The following EPHA6 variants were observed in gnomAD, a reference collection of about 807,000 sequenced individuals.
The protein encoded by EPHA6 is ephrin type-A receptor 6.
In EPHA6, 50 loss-of-function variants were observed where a neutral mutation model predicts 112.0. That is an observed-to-expected ratio of 0.45 (90% confidence interval 0.36 to 0.56). The LOEUF (loss-of-function observed/expected upper bound fraction) is 0.56. EPHA6 is among the 20% of genes least tolerant of loss of function. The pLI is 0.00. For synonymous variants in EPHA6, 529 were observed against 490.7 expected, an observed-to-expected ratio of 1.08 and a Z score of -1.03; for missense variants, 1,280 against 1,417.4, an observed-to-expected ratio of 0.90 and a Z score of 1.56.
intron 3 of EPHA6, among the ~76,000 whole-genome samples, chr3:97,175,334 T>A (rs924341303): frequency 2.0e-5 from 3 of 151,840 alleles, no homozygotes; most frequent in African/African-American, 7.2e-5. Flanking sequence ...GTAATGTGAT[T>A]CCTCCAGATT....
At chr3:97,450,549 G>T (rs2090491843) in intron 7 of EPHA6, among the ~76,000 whole-genome samples, 1 of 152,016 alleles carries the variant, frequency 6.6e-6, no homozygotes, top group African/African-American at 2.4e-5. Flanking sequence ...GTCATTTGGT[G>T]TAATATTAAC....
chr3:97,703,570 G>A (rs1010181079), intron 14 of EPHA6, among the ~76,000 whole-genome samples: 1 of 152,102 alleles, frequency 6.6e-6, no homozygotes, highest in Non-Finnish European at 1.5e-5. Flanking sequence ...GCCAACATTG[G>A]CTGTAAAATC....
intron 5 of EPHA6, among the ~76,000 whole-genome samples, chr3:97,380,833 A>G (rs997298709): frequency 3.9e-5 from 6 of 152,180 alleles, no homozygotes; most frequent in African/African-American, 9.6e-5. Flanking sequence ...TCTGTCTGCA[A>G]TCTCCCATAA....
In EPHA6 at chr3:97,760,053, A is replaced by G. The variant is rs955307413; in HGVS notation, c.*11352A>G. ...TCTGTTATAATGCAAAGCCTATCAA[A>G]CTTAAAATTAGCTTAATCCTGAAAG... On this transcript the variant is annotated 3_prime_UTR_variant, in exon 18 of 18. Coordinates refer to ENST00000389672, the MANE Select transcript of EPHA6 (RefSeq NM_001080448.3). The G allele has an allele frequency of 1.1e-5, 2 of 184,314 alleles. No individual in the cohort carries two copies. Among genetic ancestry groups the G allele is most frequent in the Non-Finnish European group, 2.3e-5 (2 of 86,812 alleles). 11.4% of individuals were successfully genotyped at this position (184,314 alleles called of 1,614,324 possible).
chr3:97,510,672 C>T (rs1256912788), intron 10 of EPHA6, among the ~76,000 whole-genome samples: 1 of 152,174 alleles, frequency 6.6e-6, no homozygotes, highest in African/African-American at 2.4e-5. Flanking sequence ...AGTCAGGGAT[C>T]CACTTCAGGA....
chr3:97,499,925 A>AT (rs201656892), intron 10 of EPHA6, among the ~76,000 whole-genome samples: 1 of 151,970 alleles, frequency 6.6e-6, no homozygotes, highest in East Asian at 1.9e-4. Flanking sequence ...AAATACAAAT[A>AT]TTTTTTCTTC....
chr3:97,650,579 T>A lies in EPHA6; in HGVS notation c.2784+12497T>A, dbSNP rs1233027563. Among the ~76,000 whole-genome samples the A allele has an allele frequency of 3.3e-5, 5 of 152,110 alleles. No individual in the cohort carries two copies. In the East Asian group the frequency reaches 5.8e-4, roughly 18 times the overall value. ...AAAATAGATCCATCTGGCTCAGTCA[T>A]ATATACTATTAAGAAGGCAAGCCAA... On this transcript the variant is annotated intron_variant, in intron 14 of 17. Coordinates refer to ENST00000389672, the MANE Select transcript of EPHA6 (RefSeq NM_001080448.3).
At chr3:96,834,963 AT>A (rs1276430912) in intron 1 of EPHA6, among the ~76,000 whole-genome samples, 2 of 152,088 alleles carry the variant, frequency 1.3e-5, no homozygotes, top group Non-Finnish European at 2.9e-5. Context: ...TAATCAAATT[AT>A]TACCATGTTT....
intron 14 of EPHA6, among the ~76,000 whole-genome samples, chr3:97,694,259 G>T (rs1261023815): frequency 6.6e-6 from 1 of 150,808 alleles, no homozygotes; most frequent in Non-Finnish European, 1.5e-5. Context: ...TTTTGAGATG[G>T]AGTCTCCCAG....
chr3:97,127,457 C>G (rs2048213619), intron 3 of EPHA6, among the ~76,000 whole-genome samples: 2 of 152,110 alleles, frequency 1.3e-5, no homozygotes, highest in African/African-American at 4.8e-5. Context: ...CTGTGGCTCA[C>G]ACCTGTAATC....
intron 2 of EPHA6, among the ~76,000 whole-genome samples, chr3:96,900,473 A>G (rs918210386): frequency 4.6e-5 from 7 of 152,202 alleles, no homozygotes; most frequent in Admixed American, 3.9e-4. Flanking sequence ...ATTACTGAAA[A>G]TAAAATTAAG....
At chr3:97,496,122 A>C (rs2091971745) in intron 10 of EPHA6, among the ~76,000 whole-genome samples, 6 of 152,174 alleles carry the variant, frequency 3.9e-5, no homozygotes, top group Admixed American at 3.9e-4. Context: ...AAATGAATTC[A>C]CAGCATGGGA....
At chr3:96,967,623 T>G (rs904949034) in intron 2 of EPHA6, among the ~76,000 whole-genome samples, 3 of 151,970 alleles carry the variant, frequency 2.0e-5, no homozygotes, top group African/African-American at 7.2e-5. Context: ...CCATTTTAAC[T>G]GTTTTGGATT....
chr3:97,035,995 C>T (rs890561249), intron 3 of EPHA6, among the ~76,000 whole-genome samples: 2 of 151,794 alleles, frequency 1.3e-5, no homozygotes, highest in Non-Finnish European at 2.9e-5. Context: ...AAAAGAGGCT[C>T]CAGAATGCTT....
intron 6 of EPHA6, among the ~76,000 whole-genome samples, chr3:97,436,193 A>G (rs1366605960): frequency 6.6e-6 from 1 of 152,160 alleles, no homozygotes; most frequent in African/African-American, 2.4e-5. Context: ...ACATTGGGTT[A>G]TTTAGAGCAT....
At chr3:97,588,957 A>C (rs1438392492) in intron 11 of EPHA6, among the ~76,000 whole-genome samples, 1 of 152,166 alleles carries the variant, frequency 6.6e-6, no homozygotes, top group African/African-American at 2.4e-5. Flanking sequence ...ATGATCCTTA[A>C]TTTACAACAT....
chr3:97,481,352 AC>A (rs1411511007), intron 9 of EPHA6: 12 of 1,555,510 alleles, frequency 7.7e-6, no homozygotes, highest in Non-Finnish European at 1.1e-5. Flanking sequence ...AAAATATCCA[AC>A]ATAGCTATTC....
chr3:97,547,684 A>G (rs934474170), intron 11 of EPHA6, among the ~76,000 whole-genome samples: 1 of 151,996 alleles, frequency 6.6e-6, no homozygotes, highest in Non-Finnish European at 1.5e-5. Flanking sequence ...GGCAGGCAGG[A>G]CTCCTTGAGC....
At position 96,980,772 on chromosome 3, in the gene EPHA6, G is replaced by T. The variant is rs186061134; in HGVS notation, c.451-6558G>T. Among the ~76,000 whole-genome samples, 840 of 152,090 alleles carry T rather than the reference G, an allele frequency of 5.5e-3. 7 individuals are homozygous for T. The highest frequency in any genetic ancestry group is 0.02 in the African/African-American group (816 of 41,500). The stretch of plus-strand genomic sequence containing the variant: ...TTTTGAAGAGGTTCTTCACATCCCT[G>T]GTAAGTTGGATTCCTAGGTATTTTA... On this transcript the variant is annotated intron_variant, in intron 2 of 17. Coordinates refer to ENST00000389672, the MANE Select transcript of EPHA6 (RefSeq NM_001080448.3).
Sources: allele counts gnomAD v4.1 joint callset (sites outside exome capture counted in the v4.1 genomes callset), GRCh38; gene constraint gnomAD v4.1.1; transcripts MANE v1.5; gene names NCBI Gene and HGNC (gene_info 2026-07-23, HGNC 2026-07-21).